CNTRL: variants seen among roughly 807,000 people sequenced by gnomAD.
CNTRL encodes centriolin.
Under a neutral mutation model 303.7 loss-of-function variants are expected in CNTRL, and 233 were observed. That is an observed-to-expected ratio of 0.77 (90% CI 0.69 to 0.86). The LOEUF (loss-of-function observed/expected upper bound fraction) is 0.86, where lower values mean the gene tolerates loss of function less well. Ranked by LOEUF, CNTRL falls within the 40% of genes least tolerant of loss-of-function variation. The pLI is 0.00. For missense variants in CNTRL, 2,524 were observed against 2,650.6 expected (o/e 0.95, Z 1.05); for synonymous variants, 900 against 922.2 (o/e 0.98, Z 0.44).
chr9:121,124,600 GT>G (rs1235322812), intron 13 of CNTRL, among the ~76,000 whole-genome samples: 2 of 152,188 alleles, frequency 1.3e-5, no homozygotes, highest in African/African-American at 4.8e-5. Context: ...CCTTGGACAA[GT>G]TGTTTTTATC....
intron 43 of CNTRL, among the ~76,000 whole-genome samples, chr9:121,175,557 C>T (rs769108530): frequency 2.6e-5 from 4 of 152,214 alleles, no homozygotes; most frequent in Non-Finnish European, 4.4e-5. Flanking sequence ...GCGTGAGCCA[C>T]CACGCTGAGC....
intron 11 of CNTRL, 84 bp from the exon 12 acceptor site, chr9:121,118,262 T>C (rs987901359): frequency 9.2e-7 from 1 of 1,091,058 alleles, no homozygotes; most frequent in African/African-American, 1.6e-5. Context: ...GAATATAGAA[T>C]ACTTATTAAA....
chr9:121,096,540 T>G lies in CNTRL; in HGVS notation c.598T>G (p.Leu200Val), dbSNP rs756859203. The G allele has an allele frequency of 5.0e-5, 75 of 1,485,632 alleles. No individual in the cohort carries two copies. Among genetic ancestry groups the G allele is most frequent in the Non-Finnish European group, 6.6e-5 (73 of 1,107,718 alleles). 92.0% of individuals were successfully genotyped at this position (1,485,632 alleles called of 1,614,324 possible). A position where few individuals can be genotyped will look rare whatever the true frequency, so the allele number is the denominator to read the frequency against. The change falls in exon 6 of 44, where the codon TTG becomes GTG. Residue 200 changes from leucine to valine, a missense_variant. Transcript: ENST00000373855. ...KKLKSLRVLN[L>V]KGNKISSLQD... Reference sequence around the variant, plus strand: ...GTTAAAATCTTTGCGAGTCCTCAATTTGAAAGGCAACAAGATATCATCGGT... The same window carrying G: ...GTTAAAATCTTTGCGAGTCCTCAATGTGAAAGGCAACAAGATATCATCGGT...
chr9:121,152,628 G>A lies in CNTRL; in HGVS notation c.4107G>A (p.Glu1369=), dbSNP rs1412934767. 1.1e-5 allele frequency: 18 copies of A among 1,614,130 alleles called. No individual in the cohort carries two copies. Among genetic ancestry groups the A allele is most frequent in the Non-Finnish European group, 1.5e-5 (18 of 1,179,966 alleles). Residue 1369 remains glutamate, a synonymous_variant, in exon 26 of 44, where the codon GAG becomes GAA. Coordinates refer to ENST00000373855, the MANE Select transcript of CNTRL (RefSeq NM_007018.6). ...LHHNIDDLLQ[E]KKSLECEVEE... ...ATAATATTGATGATCTTTTGCAAGA[G>A]AAGAAAAGCTTAGAGTGTGAAGTAG...
At chr9:121,176,062 A>C (rs1039561425) in intron 43 of CNTRL, among the ~76,000 whole-genome samples, 2 of 152,250 alleles carry the variant, frequency 1.3e-5, no homozygotes, top group Non-Finnish European at 2.9e-5. Context: ...AGTAGCACAC[A>C]CAACTGTCAG....
chr9:121,134,098 A>G (rs1227857847), intron 14 of CNTRL, among the ~76,000 whole-genome samples: 1 of 152,138 alleles, frequency 6.6e-6, no homozygotes. Flanking sequence ...GATTCAATAA[A>G]TATTTTGATT....
chr9:121,108,616 GTTA>G (rs1253779384), intron 8 of CNTRL, among the ~76,000 whole-genome samples: 1 of 151,654 alleles, frequency 6.6e-6, no homozygotes, highest in Non-Finnish European at 1.5e-5. Context: ...ATGTCATTAT[GTTA>G]TTTTTATCAT....
chr9:121,156,411 G>A (rs535714606), intron 27 of CNTRL, among the ~76,000 whole-genome samples: 2 of 152,108 alleles, frequency 1.3e-5, no homozygotes, highest in South Asian at 4.2e-4. Context: ...TGACATAGAA[G>A]GAGACAAAAA....
At chr9:121,134,915 A>G (rs932718957) in intron 14 of CNTRL, among the ~76,000 whole-genome samples, 7 of 152,196 alleles carry the variant, frequency 4.6e-5, no homozygotes, top group African/African-American at 1.7e-4. Flanking sequence ...AAAGATTTGT[A>G]GGAATTCTTT....
At chr9:121,133,349 G>A (rs1053000259) in intron 14 of CNTRL, among the ~76,000 whole-genome samples, 3 of 152,232 alleles carry the variant, frequency 2.0e-5, no homozygotes, top group African/African-American at 7.2e-5. Flanking sequence ...CCTCAGCAAT[G>A]GTGAACGCCC....
In CNTRL at chr9:121,177,450, A is replaced by T. The variant is rs944239126; in HGVS notation, c.*264A>T. On this transcript the variant is annotated 3_prime_UTR_variant, in exon 44 of 44. Coordinates refer to ENST00000373855, the MANE Select transcript of CNTRL (RefSeq NM_007018.6). ...TTTTTTTAATCTTCGTAACATGTTTAAAAAAAAACAGTGATTTTAACTGCA... is the reference window on the plus strand; with the variant it reads ...TTTTTTTAATCTTCGTAACATGTTTTAAAAAAAACAGTGATTTTAACTGCA... 5.3e-5 allele frequency: 18 copies of T among 337,556 alleles called. No individual in the cohort carries two copies. Among genetic ancestry groups the T allele is most frequent in the African/African-American group, 3.6e-4 (14 of 38,842 alleles). 20.9% of individuals were successfully genotyped at this position (337,556 alleles called of 1,614,324 possible).
rs1330301673 is a variant in CNTRL, at chr9:121,148,802, C to T, written c.3590C>T (p.Ser1197Leu). 2 of 1,614,004 alleles carry T rather than the reference C, an allele frequency of 1.2e-6. No homozygotes were observed. The highest frequency in any genetic ancestry group is 1.7e-5 in the Admixed American group (1 of 60,026). ...GKEGSQPPPA[S>L]GYWVYSPIRS... is the part of the protein sequence containing the mutation. ...GAAGGCAGTCAACCTCCCCCTGCCT[C>T]AGGATACTGGGTTTATTCTCCCATC... The change falls in exon 24 of 44, where the codon TCA (serine) becomes TTA (leucine). Residue 1197 changes from serine (S) to leucine (L), a missense_variant. By Grantham distance (145) the Ser-to-Leu change is moderately radical. Coordinates refer to ENST00000373855, the MANE Select transcript of CNTRL (RefSeq NM_007018.6).
intron 14 of CNTRL, among the ~76,000 whole-genome samples, chr9:121,130,943 G>T (rs778823406): frequency 3.1e-4 from 47 of 151,964 alleles, no homozygotes; most frequent in Non-Finnish European, 6.2e-4. Context: ...GAGTGGTTTT[G>T]AGTGAGTTTC....
intron 16 of CNTRL, 99 bp from the exon 17 acceptor site, chr9:121,140,540 GTC>G: frequency 9.8e-7 from 1 of 1,020,342 alleles, no homozygotes; most frequent in Non-Finnish European, 1.3e-6. Flanking sequence ...AAGAGGCATT[GTC>G]TGAATTTAGT....
chr9:121,144,292 G>A (rs929170872), intron 20 of CNTRL, among the ~76,000 whole-genome samples: 5 of 152,106 alleles, frequency 3.3e-5, no homozygotes, highest in Non-Finnish European at 7.4e-5. Flanking sequence ...GTTCTACTGA[G>A]CCCTGAAAGG....
rs114302660 is a variant in CNTRL at position 121,148,918 on chromosome 9, C to T, written c.3649+57C>T. The T allele has an allele frequency of 1.6e-3, 2,338 of 1,478,788 alleles. 40 individuals carry two copies. The African/African-American group carries it at 0.028, about 18-fold the overall frequency. The allele number at this position is 1,478,788 out of a possible 1,614,324, so 91.6% of individuals were successfully genotyped here. A position where few individuals can be genotyped will look rare whatever the true frequency, so the allele number is the denominator to read the frequency against. ...CTCTTGCCCGTTTAATAACCTTTTA[C>T]TGATTCTCTGAAACCCCTAAGACAC... On this transcript the variant is annotated intron_variant, in intron 24 of 43. Coordinates refer to ENST00000373855, the MANE Select transcript of CNTRL (RefSeq NM_007018.6).
intron 7 of CNTRL, among the ~76,000 whole-genome samples, chr9:121,105,206 G>A (rs2049406970): frequency 1.3e-5 from 2 of 152,182 alleles, no homozygotes; most frequent in Admixed American, 1.3e-4. Context: ...TTAACACTTG[G>A]ATAGGAGTGA....
intron 2 of CNTRL, among the ~76,000 whole-genome samples, chr9:121,086,355 TGA>T (rs2048340589): frequency 6.6e-6 from 1 of 152,100 alleles, no homozygotes; most frequent in Non-Finnish European, 1.5e-5. Flanking sequence ...ACAAATTCAT[TGA>T]GAGTATAGAA....
At chr9:121,106,414 A>C (rs1342784916) in intron 7 of CNTRL, among the ~76,000 whole-genome samples, 1 of 151,988 alleles carries the variant, frequency 6.6e-6, no homozygotes. Flanking sequence ...TGGAGAAGAC[A>C]TGAGAATGAG....
Sources: allele counts gnomAD v4.1 joint callset (sites outside exome capture counted in the v4.1 genomes callset), GRCh38; gene constraint gnomAD v4.1.1; transcripts MANE v1.5; gene names NCBI Gene and HGNC (gene_info 2026-07-23, HGNC 2026-07-21).